The following UBE3D variants were observed in gnomAD, a reference collection of about 807,000 sequenced individuals.
UBE3D encodes the protein E3 ubiquitin-protein ligase E3D.
UBE3D carries 48 observed loss-of-function variants against 49.6 expected under a neutral mutation model. The observed-to-expected ratio is 0.97, with a 90% CI of 0.77 to 1.23. The LOEUF (loss-of-function observed/expected upper bound fraction) is 1.23, where lower values mean the gene tolerates loss of function less well. Ranked by LOEUF, UBE3D falls within the 50% of genes most tolerant of loss-of-function variation. The pLI is 0.00. For missense variants in UBE3D, 452 were observed against 468.4 expected (o/e 0.96, Z 0.32); for synonymous variants, 189 against 174.2 (o/e 1.08, Z -0.67).
In UBE3D at chr6:83,065,781, C is replaced by A; in HGVS notation, c.-63G>T. On this transcript the variant is annotated 5_prime_UTR_variant, in exon 1 of 10. Coordinates refer to ENST00000369747, the MANE Select transcript of UBE3D (RefSeq NM_198920.3). Reference sequence around the variant, plus strand: ...TTCCGAGGGGCCCGGGTCAACAGGACCAGGAGAGGTTCCACGTGCGGACCA... The same window carrying A: ...TTCCGAGGGGCCCGGGTCAACAGGAACAGGAGAGGTTCCACGTGCGGACCA... The A allele has an allele frequency of 6.6e-7, 1 of 1,512,000 alleles. No homozygotes were observed. The highest frequency in any genetic ancestry group is 1.9e-5 in the Admixed American group (1 of 51,956). The allele number at this position is 1,512,000 out of a possible 1,614,324, so 93.7% of individuals were successfully genotyped here. A position where few individuals can be genotyped will look rare whatever the true frequency, so the allele number is the denominator to read the frequency against.
chr6:83,062,544 C>T (rs1356308893), intron 1 of UBE3D, among the ~76,000 whole-genome samples: 1 of 152,134 alleles, frequency 6.6e-6, no homozygotes, highest in Non-Finnish European at 1.5e-5. Flanking sequence ...ACATCCAAAC[C>T]ATAGCAGTTA....
intron 9 of UBE3D, among the ~76,000 whole-genome samples, chr6:82,906,326 G>A (rs952399788): frequency 3.9e-4 from 59 of 151,950 alleles, no homozygotes; most frequent in African/African-American, 1.4e-3. Flanking sequence ...ACTGAAATGT[G>A]ACCACTTTTA....
intron 8 of UBE3D, among the ~76,000 whole-genome samples, chr6:82,988,676 CTG>C (rs1192525498): frequency 6.6e-6 from 1 of 152,154 alleles, no homozygotes; most frequent in Non-Finnish European, 1.5e-5. Context: ...GCATGAAAGA[CTG>C]TATAAAACAT....
the UBE3D span, among the ~76,000 whole-genome samples, chr6:82,884,435 C>T: frequency 6.6e-6 from 1 of 151,978 alleles, no homozygotes; most frequent in Non-Finnish European, 1.5e-5. Flanking sequence ...CAGAAGGCAC[C>T]CTAGACATAA....
At chr6:83,029,186 A>G (rs949834574) in intron 5 of UBE3D, among the ~76,000 whole-genome samples, 2 of 152,126 alleles carry the variant, frequency 1.3e-5, no homozygotes, top group African/African-American at 4.8e-5. Context: ...AGTTTTTTGT[A>G]TAAATTTTTT....
chr6:82,905,255 T>C (rs2127720674), intron 9 of UBE3D, among the ~76,000 whole-genome samples: 1 of 152,330 alleles, frequency 6.6e-6, no homozygotes, highest in South Asian at 2.1e-4. Flanking sequence ...GGCCCCCATT[T>C]TTCCAACAAC....
At chr6:82,917,595 G>C (rs1419271354) in intron 9 of UBE3D, among the ~76,000 whole-genome samples, 1 of 152,170 alleles carries the variant, frequency 6.6e-6, no homozygotes, top group African/African-American at 2.4e-5. Context: ...ATTGTAATGA[G>C]CACGATTAGG....
intron 3 of UBE3D, among the ~76,000 whole-genome samples, chr6:83,050,392 G>A (rs537322523): frequency 3.3e-5 from 5 of 152,190 alleles, no homozygotes; most frequent in East Asian, 1.9e-4. Flanking sequence ...CTAATCCAAC[G>A]TCCTCATTTT....
chr6:82,955,520 C>T (rs907511686), intron 9 of UBE3D, among the ~76,000 whole-genome samples: 2 of 152,140 alleles, frequency 1.3e-5, no homozygotes, highest in African/African-American at 4.8e-5. Flanking sequence ...GTCTCTCCCT[C>T]CATGAACATT....
At chr6:82,983,969 A>C (rs1228889072) in intron 8 of UBE3D, among the ~76,000 whole-genome samples, 1 of 152,162 alleles carries the variant, frequency 6.6e-6, no homozygotes, top group Non-Finnish European at 1.5e-5. Context: ...GGTTTAAATC[A>C]TATTTTGCCT....
At chr6:82,973,756 A>T (rs1777518799) in intron 8 of UBE3D, among the ~76,000 whole-genome samples, 1 of 152,142 alleles carries the variant, frequency 6.6e-6, no homozygotes, top group East Asian at 1.9e-4. Flanking sequence ...ACCACAGACC[A>T]ATACTGGCCT....
At chr6:82,883,866 A>C in the UBE3D span, among the ~76,000 whole-genome samples, 3 of 152,214 alleles carry the variant, frequency 2.0e-5, no homozygotes, top group Non-Finnish European at 2.9e-5. Flanking sequence ...AAGTAATTAA[A>C]TTTTAGTCCC....
At chr6:83,034,458 T>TCGTC (rs550587806) in intron 5 of UBE3D, among the ~76,000 whole-genome samples, 137 of 152,268 alleles carry the variant, frequency 9.0e-4, no homozygotes, top group Middle Eastern at 3.4e-3. Flanking sequence ...AGATTAGCTG[T>TCGTC]CGTCACATGT....
rs191819815 is a variant in UBE3D at position 83,027,826 on chromosome 6, A to G, written c.668-3788T>C. 2.9e-3 allele frequency among the ~76,000 whole-genome samples: 440 copies of G among 152,312 alleles called. 1 individual carries two copies. Among genetic ancestry groups the G allele is most frequent in the African/African-American group, 9.5e-3 (397 of 41,572 alleles). On this transcript the variant is annotated intron_variant, in intron 5 of 9. Coordinates refer to ENST00000369747, the MANE Select transcript of UBE3D (RefSeq NM_198920.3). ...GATTGCTATTCTTCATCACTTTTGT[A>G]AAATTCTCAACAATTATCTCTTCAA...
chr6:82,977,113 C>CAAAAAAAAAAAAAAAAAA (rs58424434), intron 8 of UBE3D, among the ~76,000 whole-genome samples: 8 of 42,580 alleles, frequency 1.9e-4, no homozygotes, highest in Non-Finnish European at 3.0e-4. Flanking sequence ...GACTCCATCT[C>CAAAAAAAAAAAAAAAAAA]AAAAAAAAAA....
chr6:83,022,738 T>C (rs1781194232), intron 6 of UBE3D, among the ~76,000 whole-genome samples, 177 bp from the exon 7 acceptor site: 1 of 152,224 alleles, frequency 6.6e-6, no homozygotes, highest in East Asian at 1.9e-4. Context: ...TATATTTTAA[T>C]GTATTCAGGT....
chr6:82,997,534 A>G (rs1196876524), intron 8 of UBE3D, among the ~76,000 whole-genome samples: 1 of 152,292 alleles, frequency 6.6e-6, no homozygotes, highest in East Asian at 1.9e-4. Flanking sequence ...CCTGGCTAAC[A>G]TGGTGAAACC....
At chr6:82,911,125 A>G (rs1772473043) in intron 9 of UBE3D, among the ~76,000 whole-genome samples, 1 of 149,558 alleles carries the variant, frequency 6.7e-6, no homozygotes, top group Non-Finnish European at 1.5e-5. Context: ...CACTATAGCC[A>G]TAATGTCATA....
chr6:82,946,109 A>G (rs1464658326), intron 9 of UBE3D, among the ~76,000 whole-genome samples: 1 of 152,184 alleles, frequency 6.6e-6, no homozygotes, highest in African/African-American at 2.4e-5. Flanking sequence ...GGATAATAAC[A>G]GAGAACTTCC....
Sources: allele counts gnomAD v4.1 joint callset (sites outside exome capture counted in the v4.1 genomes callset), GRCh38; gene constraint gnomAD v4.1.1; transcripts MANE v1.5; gene names NCBI Gene and HGNC (gene_info 2026-07-23, HGNC 2026-07-21).